Variants in ACER3 observed in about 807,000 individuals in gnomAD.
ACER3 encodes the protein alkaline ceramidase 3.
ACER3 carries 16 observed loss-of-function variants against 48.9 expected under a neutral mutation model. The ratio of observed to expected loss-of-function variants is 0.33; its 90% CI spans 0.22 to 0.50. ACER3 has a LOEUF of 0.50. ACER3 is among the 20% of genes least tolerant of loss of function. The pLI is 0.98. For missense variants in ACER3, 227 were observed against 326.0 expected (o/e 0.70, Z 2.34); for synonymous variants, 109 against 107.8 (o/e 1.01, Z -0.07).
intron 2 of ACER3, among the ~76,000 whole-genome samples, chr11:76,946,113 C>T (rs1448095194): frequency 6.6e-6 from 1 of 152,136 alleles, no homozygotes; most frequent in African/African-American, 2.4e-5. Flanking sequence ...GTGTTCTGCT[C>T]AAGTCTCAGT....
In ACER3 at chr11:76,926,540, A is replaced by G; in HGVS notation, c.104-17A>G. 2.7e-6 allele frequency: 4 copies of G among 1,496,788 alleles called. No individual in the cohort carries two copies. The highest frequency in any genetic ancestry group is 1.7e-5 in the Admixed American group (1 of 57,892). The allele number at this position is 1,496,788 out of a possible 1,614,324, so 92.7% of individuals were successfully genotyped here. ...TATTGATTAACCTAAATGTCTTCTT[A>G]TATTTTTCTCTTAAAGGGAATACAG... On this transcript the variant is annotated splice_polypyrimidine_tract_variant and intron_variant, in intron 1 of 10. Transcript: ENST00000532485.
At chr11:77,012,530 A>G (rs1401435096) in intron 7 of ACER3, among the ~76,000 whole-genome samples, 1 of 151,870 alleles carries the variant, frequency 6.6e-6, no homozygotes, top group East Asian at 1.9e-4. Flanking sequence ...GCAGTGAACT[A>G]TTAGTAAGAT....
chr11:76,903,457 G>A (rs376711140), intron 1 of ACER3, among the ~76,000 whole-genome samples: 14 of 16,750 alleles, frequency 8.4e-4, no homozygotes, highest in East Asian at 8.1e-3. Context: ...CCCCCCACCC[G>A]CCCCCGGCCC....
chr11:76,903,445 A>AC (rs1446561859), intron 1 of ACER3, among the ~76,000 whole-genome samples: 75 of 36,098 alleles, frequency 2.1e-3, no homozygotes, highest in South Asian at 8.2e-3. Flanking sequence ...CGCCCCTCCC[A>AC]CCCCCCCACC....
intron 3 of ACER3, among the ~76,000 whole-genome samples, chr11:76,974,031 C>T (rs1948375036): frequency 6.6e-6 from 1 of 152,176 alleles, no homozygotes; most frequent in African/African-American, 2.4e-5. Context: ...ATCAACTGGT[C>T]ATAAATGTGT....
chr11:76,888,021 T>G (rs1327828833), intron 1 of ACER3, among the ~76,000 whole-genome samples: 4 of 152,054 alleles, frequency 2.6e-5, no homozygotes, highest in Non-Finnish European at 5.9e-5. Context: ...TTTTGCCATG[T>G]TGCCCAGGCC....
chr11:76,889,010 T>G lies in ACER3; in HGVS notation c.103+27931T>G, dbSNP rs11606034. On this transcript the variant is annotated intron_variant, in intron 1 of 10. Transcript: ENST00000532485. ...CTGTAACCAGGTCAATAAAGGCCAGTGGTCTTCTTGTTCCTTCGTGCTAGT... is the reference window on the plus strand; with the variant it reads ...CTGTAACCAGGTCAATAAAGGCCAGGGGTCTTCTTGTTCCTTCGTGCTAGT... Among the ~76,000 whole-genome samples, 443 of 152,126 alleles carry G rather than the reference T, an allele frequency of 2.9e-3. 2 individuals are homozygous for G. Among genetic ancestry groups the G allele is most frequent in the Admixed American group, 7.3e-3 (112 of 15,288 alleles).
intron 4 of ACER3, among the ~76,000 whole-genome samples, chr11:76,981,470 T>TG (rs1948581909): frequency 6.6e-6 from 1 of 152,198 alleles, no homozygotes; most frequent in Non-Finnish European, 1.5e-5. Flanking sequence ...CCCATTACCC[T>TG]TATGGCAAGA....
intron 1 of ACER3, among the ~76,000 whole-genome samples, chr11:76,884,650 CATT>C (rs1295338767): frequency 1.3e-5 from 2 of 152,114 alleles, no homozygotes; most frequent in Non-Finnish European, 2.9e-5. Flanking sequence ...TTATTTTCTT[CATT>C]ATTATTCTGT....
intron 1 of ACER3, among the ~76,000 whole-genome samples, chr11:76,908,619 C>T (rs1356845283): frequency 3.9e-5 from 6 of 152,124 alleles, no homozygotes; most frequent in Non-Finnish European, 8.8e-5. Context: ...AATGGAAAAA[C>T]ATTCCATGCT....
chr11:76,966,455 G>A (rs1310877244), intron 3 of ACER3, among the ~76,000 whole-genome samples: 37 of 150,246 alleles, frequency 2.5e-4, no homozygotes, highest in East Asian at 5.8e-4. Flanking sequence ...TGCACCAAGC[G>A]GACCTCATAG....
At chr11:76,910,711 A>G (rs1454852853) in intron 1 of ACER3, among the ~76,000 whole-genome samples, 1 of 152,172 alleles carries the variant, frequency 6.6e-6, no homozygotes, top group African/African-American at 2.4e-5. Flanking sequence ...ATAGTTTTCT[A>G]CCTCTTAAAG....
At position 76,927,458 on chromosome 11, in the gene ACER3, G is replaced by GTT. The variant is rs36050079; in HGVS notation, c.214+798_214+799dup. 4.6e-4 allele frequency among the ~76,000 whole-genome samples: 70 copies of GTT among 151,620 alleles called. 1 individual carries two copies. Among genetic ancestry groups the GTT allele is most frequent in the Middle Eastern group, 6.8e-3 (2 of 292 alleles). Reference sequence around the variant, plus strand: ...GTTTCATTTCTTCATTTTCTATTCTGTTTTTTTTATTATTATTATACTTTA... The same window carrying GTT: ...GTTTCATTTCTTCATTTTCTATTCTGTTTTTTTTTTATTATTATTATACTTTA... On this transcript the variant is annotated intron_variant, in intron 2 of 10. Coordinates refer to ENST00000532485, the MANE Select transcript of ACER3 (RefSeq NM_018367.7).
At chr11:76,889,223 C>A (rs977368005) in intron 1 of ACER3, among the ~76,000 whole-genome samples, 5 of 152,062 alleles carry the variant, frequency 3.3e-5, no homozygotes, top group African/African-American at 1.2e-4. Flanking sequence ...TATCTCTTAC[C>A]CTCTGAAGGG....
At chr11:76,940,262 G>C (rs1000217176) in intron 2 of ACER3, among the ~76,000 whole-genome samples, 1 of 152,002 alleles carries the variant, frequency 6.6e-6, no homozygotes, top group African/African-American at 2.4e-5. Flanking sequence ...AGGATTACAG[G>C]CATGAGCCAC....
At chr11:76,907,659 C>T (rs1946268624) in intron 1 of ACER3, among the ~76,000 whole-genome samples, 2 of 150,940 alleles carry the variant, frequency 1.3e-5, no homozygotes, top group African/African-American at 4.9e-5. Context: ...TCACTTGAGG[C>T]AGGAGTTCAA....
intron 1 of ACER3, among the ~76,000 whole-genome samples, chr11:76,908,356 C>T (rs1024713810): frequency 1.3e-5 from 2 of 152,134 alleles, no homozygotes; most frequent in African/African-American, 2.4e-5. Flanking sequence ...AAAACCCCAT[C>T]GTCTCAGCCC....
At position 76,920,634 on chromosome 11, in the gene ACER3, CTT is replaced by C. The variant is rs11320505; in HGVS notation, c.104-5906_104-5905del. On this transcript the variant is annotated intron_variant, in intron 1 of 10. Transcript: ENST00000532485. ...TTATCTTTTCTGATTGAACTCTTGA[CTT>C]TTTTTTTTTTTTTTTTAACAGACAG... Among the ~76,000 whole-genome samples, 199 of 132,794 alleles carry C rather than the reference CTT, an allele frequency of 1.5e-3. 1 individual carries two copies. Among genetic ancestry groups the C allele is most frequent in the Middle Eastern group, 4.0e-3 (1 of 252 alleles). 87.1% of individuals were successfully genotyped at this position (132,794 alleles called of 152,430 possible). A position where few individuals can be genotyped will look rare whatever the true frequency, so the allele number is the denominator to read the frequency against.
chr11:77,025,418 A>ATTT lies in ACER3; in HGVS notation c.*5096_*5098dup, dbSNP rs1261260756. ...TATATATATATATATATATTTATTTATTTTTTTGAGACAGAGTCTCTCTCT... is the reference window on the plus strand; with the variant it reads ...TATATATATATATATATATTTATTTATTTTTTTTTTGAGACAGAGTCTCTCTCT... On this transcript the variant is annotated 3_prime_UTR_variant, in exon 11 of 11. Transcript: ENST00000532485. 7.1e-6 allele frequency: 1 copy of ATTT among 140,096 alleles called. No homozygotes were observed. Among genetic ancestry groups the ATTT allele is most frequent in the Admixed American group, 7.0e-5 (1 of 14,204 alleles). 8.7% of individuals were successfully genotyped at this position (140,096 alleles called of 1,614,324 possible).
Sources: allele counts gnomAD v4.1 joint callset (sites outside exome capture counted in the v4.1 genomes callset), GRCh38; gene constraint gnomAD v4.1.1; transcripts MANE v1.5; gene names NCBI Gene and HGNC (gene_info 2026-07-23, HGNC 2026-07-21).